CTNNA2: variants seen among roughly 807,000 people sequenced by gnomAD.
The protein encoded by CTNNA2 is catenin alpha-2.
A neutral mutation model predicts 101.0 loss-of-function variants in CTNNA2; 42 were observed. That is an observed-to-expected ratio of 0.42 (90% CI 0.32 to 0.54). The LOEUF (loss-of-function observed/expected upper bound fraction) is 0.54. Among genes scored for constraint, CTNNA2 ranks in the 20% least tolerant of loss-of-function variants. The pLI, the probability that CTNNA2 is intolerant of heterozygous loss-of-function variation, is 0.14. For missense variants in CTNNA2, 871 were observed against 1,223.1 expected (o/e 0.71, Z 4.29); for synonymous variants, 450 against 456.4 (o/e 0.99, Z 0.18).
intron 17 of CTNNA2, among the ~76,000 whole-genome samples, chr2:80,612,688 C>T (rs1698563193): frequency 1.3e-5 from 2 of 151,100 alleles, no homozygotes; most frequent in Admixed American, 6.6e-5. Context: ...GCTAAAACAG[C>T]CATTGAAACA....
intron 7 of CTNNA2, among the ~76,000 whole-genome samples, chr2:80,032,849 C>A (rs2104205737): frequency 6.6e-6 from 1 of 152,196 alleles, no homozygotes; most frequent in African/African-American, 2.4e-5. Context: ...AGACATACCA[C>A]CATGTGCTTG....
At chr2:80,217,309 A>G (rs144950384) in intron 7 of CTNNA2, among the ~76,000 whole-genome samples, 62 of 152,140 alleles carry the variant, frequency 4.1e-4, no homozygotes, top group Middle Eastern at 3.4e-3. Context: ...CCATAACTTC[A>G]TATAACTTCA....
chr2:79,583,247 C>T (rs1290033983), intron 1 of CTNNA2, among the ~76,000 whole-genome samples: 1 of 151,318 alleles, frequency 6.6e-6, no homozygotes, highest in East Asian at 1.9e-4. Flanking sequence ...CAAAGGAAGA[C>T]TTTGCCTCAT....
intron 8 of CTNNA2, among the ~76,000 whole-genome samples, chr2:80,406,061 A>G (rs1313505775): frequency 6.6e-6 from 1 of 152,210 alleles, no homozygotes; most frequent in Non-Finnish European, 1.5e-5. Context: ...CTGTAAAGCT[A>G]AAAAAGCACC....
intron 2 of CTNNA2, among the ~76,000 whole-genome samples, chr2:79,696,523 G>A (rs1366752019): frequency 6.6e-6 from 1 of 152,012 alleles, no homozygotes; most frequent in African/African-American, 2.4e-5. Context: ...TGGCCCAAGA[G>A]GCAGTTTCTC....
intron 2 of CTNNA2, among the ~76,000 whole-genome samples, chr2:79,230,589 G>A (rs1558580761): frequency 1.3e-5 from 2 of 152,190 alleles, no homozygotes; most frequent in East Asian, 1.9e-4. Flanking sequence ...TGAGATTGAA[G>A]CCCCCACACA....
At chr2:80,433,760 C>T (rs927372253) in intron 9 of CTNNA2, among the ~76,000 whole-genome samples, 2 of 152,176 alleles carry the variant, frequency 1.3e-5, no homozygotes, top group African/African-American at 4.8e-5. Flanking sequence ...CATGGTCCTC[C>T]TGTCACCAGA....
intron 4 of CTNNA2, among the ~76,000 whole-genome samples, chr2:79,440,329 A>G (rs1296880146): frequency 6.6e-6 from 1 of 152,172 alleles, no homozygotes; most frequent in African/African-American, 2.4e-5. Flanking sequence ...TGGGAGAAGT[A>G]AGAGTCTGGG....
chr2:79,656,750 A>T (rs1681637840), intron 2 of CTNNA2, among the ~76,000 whole-genome samples: 1 of 152,016 alleles, frequency 6.6e-6, no homozygotes, highest in East Asian at 1.9e-4. Context: ...TTATAAATTC[A>T]AAAAAGGAAG....
In CTNNA2 at chr2:79,738,720, G is replaced by A. The variant is rs570273221; in HGVS notation, c.103-5667G>A. Among the ~76,000 whole-genome samples, 43 of 152,310 alleles carry A rather than the reference G, an allele frequency of 2.8e-4. No homozygotes were observed. In the South Asian group the frequency reaches 8.7e-3, roughly 31 times the overall value. On this transcript the variant is annotated intron_variant, in intron 2 of 18. Transcript: ENST00000402739. ...ATAAGATAAAAATGATTTGATTTTA[G>A]CAACCTGTTAACTAACAAGAGGACT...
chr2:79,672,485 G>T (rs1682906398), intron 2 of CTNNA2, among the ~76,000 whole-genome samples: 1 of 151,806 alleles, frequency 6.6e-6, no homozygotes, highest in Admixed American at 6.6e-5. Flanking sequence ...AAAAAGAAAA[G>T]AAAAATTTCG....
chr2:79,888,217 G>A (rs576781302), intron 6 of CTNNA2, among the ~76,000 whole-genome samples: 1 of 152,264 alleles, frequency 6.6e-6, no homozygotes, highest in South Asian at 2.1e-4. Context: ...AGGAGTGCAA[G>A]GTAGGGTGGT....
chr2:80,195,802 C>T (rs1706796350), intron 7 of CTNNA2, among the ~76,000 whole-genome samples: 1 of 151,982 alleles, frequency 6.6e-6, no homozygotes, highest in South Asian at 2.1e-4. Flanking sequence ...TTGCATATGC[C>T]AGATGCAGTG....
At chr2:79,990,296 T>C (rs1008261845) in intron 7 of CTNNA2, among the ~76,000 whole-genome samples, 1 of 152,228 alleles carries the variant, frequency 6.6e-6, no homozygotes, top group South Asian at 2.1e-4. Context: ...TGCAGCAGAA[T>C]AGAATGATTT....
chr2:80,268,695 C>G (rs1673209029), intron 7 of CTNNA2, among the ~76,000 whole-genome samples: 2 of 152,174 alleles, frequency 1.3e-5, no homozygotes, highest in Admixed American at 6.5e-5. Flanking sequence ...TAATTTAGTT[C>G]AGTCCTATTA....
intron 7 of CTNNA2, among the ~76,000 whole-genome samples, chr2:80,115,069 C>T (rs1043603228): frequency 5.3e-5 from 8 of 152,142 alleles, no homozygotes; most frequent in East Asian, 1.9e-4. Context: ...ATGAGATCAG[C>T]GTTTGAGGTA....
At chr2:80,044,259 A>G (rs1233004380) in intron 7 of CTNNA2, among the ~76,000 whole-genome samples, 1 of 152,156 alleles carries the variant, frequency 6.6e-6, no homozygotes, top group East Asian at 1.9e-4. Context: ...CACCTTTCAA[A>G]CACTAGGTGC....
intron 4 of CTNNA2, among the ~76,000 whole-genome samples, chr2:79,460,473 G>A (rs1004992753): frequency 1.3e-5 from 2 of 152,102 alleles, no homozygotes; most frequent in Admixed American, 6.5e-5. Flanking sequence ...TCAGTTGGTT[G>A]CTAAGTAGTT....
intron 8 of CTNNA2, among the ~76,000 whole-genome samples, chr2:80,414,879 C>A (rs142457119): frequency 6.6e-6 from 1 of 152,130 alleles, no homozygotes; most frequent in African/African-American, 2.4e-5. Flanking sequence ...ATCACCTAGA[C>A]ATCTTACTAA....
Sources: allele counts gnomAD v4.1 joint callset (sites outside exome capture counted in the v4.1 genomes callset), GRCh38; gene constraint gnomAD v4.1.1; transcripts MANE v1.5; gene names NCBI Gene and HGNC (gene_info 2026-07-23, HGNC 2026-07-21).